The following NFATC2 variants were observed in gnomAD, a reference collection of about 807,000 sequenced individuals.
NFATC2 encodes nuclear factor of activated T-cells, cytoplasmic 2.
Under a neutral mutation model 87.3 loss-of-function variants are expected in NFATC2, and 22 were observed. That is an observed-to-expected ratio of 0.25 (90% confidence interval 0.18 to 0.36). The LOEUF is 0.36. NFATC2 is among the 10% of genes least tolerant of loss of function. The pLI is 1.00. For missense variants in NFATC2, 1,149 were observed against 1,259.1 expected (o/e 0.91, Z 1.32); for synonymous variants, 565 against 542.2 (o/e 1.04, Z -0.58).
chr20:51,533,959 A>G (rs2076678098), intron 1 of NFATC2, among the ~76,000 whole-genome samples: 1 of 152,222 alleles, frequency 6.6e-6, no homozygotes, highest in Non-Finnish European at 1.5e-5. Context: ...GATGGGAAGA[A>G]CTGTCTCTTG....
chr20:51,508,326 C>T (rs1026125532), intron 3 of NFATC2, among the ~76,000 whole-genome samples: 2 of 152,260 alleles, frequency 1.3e-5, no homozygotes, highest in African/African-American at 2.4e-5. Flanking sequence ...CCTCTCACCT[C>T]GGAGGCCAGG....
chr20:51,468,247 T>A (rs1271590958), intron 5 of NFATC2, among the ~76,000 whole-genome samples: 1 of 152,176 alleles, frequency 6.6e-6, no homozygotes, highest in Non-Finnish European at 1.5e-5. Flanking sequence ...GTTACGTGGG[T>A]ATATGCGATT....
At chr20:51,545,909 T>C (rs115995718), upstream of NFATC2, among the ~76,000 whole-genome samples, 2 of 152,142 alleles carry the variant, frequency 1.3e-5, no homozygotes, top group South Asian at 4.1e-4. Flanking sequence ...CATTAATCAA[T>C]GGAAGAGTAG....
chr20:51,475,472 G>A lies in NFATC2; in HGVS notation c.1521C>T (p.Asn507=). Residue 507 remains asparagine, a synonymous_variant, in exon 4 of 11, where the codon AAC becomes AAT. Transcript: ENST00000371564. ...CCAGCCCTTACGTTGCCCTCATGTTGTTTTTGGGCTCCAAGGGTATCTCCA... is the reference window on the plus strand; with the variant it reads ...CCAGCCCTTACGTTGCCCTCATGTTATTTTTGGGCTCCAAGGGTATCTCCA... ...KVLEIPLEPK[N]NMRATIDCAG... 6.2e-7 allele frequency: 1 copy of A among 1,613,710 alleles called. No homozygotes were observed. The highest frequency in any genetic ancestry group is 1.3e-5 in the African/African-American group (1 of 74,952).
chr20:51,540,179 A>G (rs1443436668), intron 1 of NFATC2, among the ~76,000 whole-genome samples: 2 of 151,906 alleles, frequency 1.3e-5, no homozygotes, highest in Non-Finnish European at 1.5e-5. Context: ...TGCCTGGCTA[A>G]TTTGTGTATT....
chr20:51,477,571 AT>A (rs1568667323), intron 3 of NFATC2, among the ~76,000 whole-genome samples: 2,119 of 89,400 alleles, frequency 0.024, 28 homozygotes, highest in Middle Eastern at 0.034. Flanking sequence ...ATATATATAT[AT>A]ATATATATAA....
intron 3 of NFATC2, among the ~76,000 whole-genome samples, chr20:51,504,542 G>T (rs778898102): frequency 4.6e-5 from 7 of 152,160 alleles, no homozygotes; most frequent in Non-Finnish European, 1.0e-4. Flanking sequence ...CACCACTAAG[G>T]AACTTATTCA....
Position 51,432,289 on chromosome 20 carries a change from A to G in NFATC2, c.2500T>C (p.Cys834Arg), listed in dbSNP as rs376022750. 40 of 1,614,114 alleles carry G rather than the reference A, an allele frequency of 2.5e-5. No homozygotes were observed. The highest frequency in any genetic ancestry group is 9.3e-5 in the African/African-American group (7 of 74,934). Reference sequence around the variant, plus strand: ...GTGGTGCCTGGTGCGAAATTCTCGCAGTACATGATGTGCTGGAACTCCTGG... The same window carrying G: ...GTGGTGCCTGGTGCGAAATTCTCGCGGTACATGATGTGCTGGAACTCCTGG... ...SHQEFQHIMYCENFAPGTTRP... is the reference protein window; with the variant it reads ...SHQEFQHIMYRENFAPGTTRP... Residue 834 changes from cysteine (C) to arginine (R), a missense_variant, in exon 9 of 11, where the codon TGC becomes CGC. Around this residue, in one of 3 missense-constraint regions of NFATC2, gnomAD observed 581 missense variants for 649.7 expected, o/e 0.89. Transcript: ENST00000371564. The surrounding 1 kb of genome is among the most constrained non-coding windows in gnomAD (Gnocchi z 4.6).
At chr20:51,425,130 G>A (rs1981590534) in intron 9 of NFATC2, among the ~76,000 whole-genome samples, 1 of 152,180 alleles carries the variant, frequency 6.6e-6, no homozygotes, top group East Asian at 1.9e-4. Context: ...TAATGTTCTA[G>A]GAGGCTAGAG....
rs913191226 is a variant in NFATC2, at chr20:51,480,562, C to T, written c.1333-4902G>A. Among the ~76,000 whole-genome samples, 3 of 152,240 alleles carry T rather than the reference C, an allele frequency of 2.0e-5. No individual in the cohort carries two copies. Among genetic ancestry groups the T allele is most frequent in the East Asian group, 1.9e-4 (1 of 5,164 alleles). On this transcript the variant is annotated intron_variant, in intron 3 of 10. Coordinates refer to ENST00000371564, the MANE Select transcript of NFATC2 (RefSeq NM_012340.5). The surrounding 1 kb of genome is among the most constrained non-coding windows in gnomAD (Gnocchi z 4.2). The stretch of plus-strand genomic sequence containing the variant: ...GGTGAGGGTCCCTTCCCCGCCTCCC[C>T]GGGTAACACCAGAAAGCAGTGTGGT...
At chr20:51,469,551 A>G (rs1988006486) in intron 5 of NFATC2, among the ~76,000 whole-genome samples, 1 of 152,164 alleles carries the variant, frequency 6.6e-6, no homozygotes, top group Non-Finnish European at 1.5e-5. Context: ...CTTCACATCC[A>G]CCCACAACCT....
chr20:51,545,729 T>C (rs1303711275), upstream of NFATC2, among the ~76,000 whole-genome samples: 1 of 151,744 alleles, frequency 6.6e-6, no homozygotes, highest in African/African-American at 2.4e-5. Flanking sequence ...AGGGGATGGA[T>C]GGAAGAATGG....
At chr20:51,452,228 C>T (rs1214099535) in intron 6 of NFATC2, among the ~76,000 whole-genome samples, 2 of 152,130 alleles carry the variant, frequency 1.3e-5, no homozygotes. Flanking sequence ...CTCAGGCTGA[C>T]CTCGGGCTCT....
At position 51,396,038 on chromosome 20, in the gene NFATC2, G is replaced by GTA. The variant is rs1161908517; in HGVS notation, c.*44+2603_*44+2604dup. ...GCTGTAGTTTGTCAGCTCCTAGTAT[G>GTA]TATATATATATATATATATATATAT... On this transcript the variant is annotated intron_variant, in intron 10 of 10. Transcript: ENST00000371564. 5.5e-3 allele frequency among the ~76,000 whole-genome samples: 117 copies of GTA among 21,206 alleles called. 1 individual carries two copies. The highest frequency in any genetic ancestry group is 7.7e-3 in the Non-Finnish European group (89 of 11,512). 13.9% of individuals were successfully genotyped at this position (21,206 alleles called of 152,430 possible). A position where few individuals can be genotyped will look rare whatever the true frequency, so the allele number is the denominator to read the frequency against.
At chr20:51,393,420 A>T (rs1986605906) in intron 10 of NFATC2, among the ~76,000 whole-genome samples, 1 of 148,328 alleles carries the variant, frequency 6.7e-6, no homozygotes, top group African/African-American at 2.6e-5. Context: ...TATGTATTAG[A>T]TATGTATTAG....
chr20:51,552,329 T>TAC (rs1431102833), intron 1 of NFATC2, among the ~76,000 whole-genome samples: 1 of 152,192 alleles, frequency 6.6e-6, no homozygotes, highest in Non-Finnish European at 1.5e-5. Flanking sequence ...TATATATATA[T>TAC]ACATATAGTT....
intron 1 of NFATC2, among the ~76,000 whole-genome samples, chr20:51,553,926 TC>T (rs1284584477): frequency 1.3e-5 from 2 of 151,884 alleles, no homozygotes; most frequent in Non-Finnish European, 2.9e-5. Context: ...CGGCCCACTG[TC>T]CCCCCTCAGT....
chr20:51,485,694 G>C (rs976730997), intron 3 of NFATC2, among the ~76,000 whole-genome samples: 3 of 152,166 alleles, frequency 2.0e-5, no homozygotes, highest in African/African-American at 7.2e-5. Context: ...TGGCGGGAAA[G>C]TTACTTTACA....
chr20:51,527,210 T>G (rs1031082664), intron 1 of NFATC2, among the ~76,000 whole-genome samples: 20 of 151,898 alleles, frequency 1.3e-4, no homozygotes, highest in Admixed American at 3.9e-4. Context: ...AAAGGGGAGT[T>G]TTTAAAAGCA....
Sources: allele counts gnomAD v4.1 joint callset (sites outside exome capture counted in the v4.1 genomes callset), GRCh38; gene constraint gnomAD v4.1.1; regional missense constraint gnomAD v4.1.1; non-coding constraint Gnocchi (gnomAD v3.1); transcripts MANE v1.5; gene names NCBI Gene and HGNC (gene_info 2026-07-23, HGNC 2026-07-21).